Variants in INPP5A observed in about 807,000 individuals in gnomAD.
INPP5A encodes the protein inositol polyphosphate-5-phosphatase A, also known as 43 kDa inositol polyphosphate 5-phophatase.
INPP5A carries 14 observed loss-of-function variants against 65.2 expected under a neutral mutation model. The observed-to-expected ratio is 0.21, with a 90% CI of 0.14 to 0.34. The LOEUF is 0.34. Ranked by LOEUF, INPP5A falls within the 10% of genes least tolerant of loss-of-function variation. The pLI is 1.00. For missense variants in INPP5A, 431 were observed against 545.6 expected, an observed-to-expected ratio of 0.79 and a Z score of 2.09; for synonymous variants, 207 against 208.3, an observed-to-expected ratio of 0.99 and a Z score of 0.05.
chr10:132,579,685 C>A (rs2071457088), intron 1 of INPP5A, among the ~76,000 whole-genome samples: 1 of 152,136 alleles, frequency 6.6e-6, no homozygotes, highest in Non-Finnish European at 1.5e-5. Context: ...TAGGTGGGGC[C>A]TCAGTGAGGC....
chr10:132,763,651 A>G (rs986249196), intron 11 of INPP5A, among the ~76,000 whole-genome samples: 11 of 138,582 alleles, frequency 7.9e-5, no homozygotes, highest in African/African-American at 2.4e-4. Flanking sequence ...CTGCATGCAC[A>G]CACACATGCC....
At chr10:132,679,836 G>A (rs1447942621) in intron 4 of INPP5A, among the ~76,000 whole-genome samples, 1 of 152,178 alleles carries the variant, frequency 6.6e-6, no homozygotes, top group Non-Finnish European at 1.5e-5. Flanking sequence ...CAGCCAGGTG[G>A]TCTCTGACAA....
chr10:132,702,251 A>G (rs1845449386), intron 6 of INPP5A, among the ~76,000 whole-genome samples: 1 of 152,260 alleles, frequency 6.6e-6, no homozygotes, highest in African/African-American at 2.4e-5. Flanking sequence ...TTATTTAAAA[A>G]TCTTAGAATC....
In INPP5A at chr10:132,616,448, T is replaced by C. The variant is rs1183767403; in HGVS notation, c.117+8492T>C. Among the ~76,000 whole-genome samples the C allele has an allele frequency of 2.0e-5, 3 of 151,744 alleles. No homozygotes were observed. Among genetic ancestry groups the C allele is most frequent in the African/African-American group, 7.3e-5 (3 of 41,270 alleles). On this transcript the variant is annotated intron_variant, in intron 2 of 15. Coordinates refer to ENST00000368594, the MANE Select transcript of INPP5A (RefSeq NM_005539.5). The surrounding 1 kb of genome is among the most constrained non-coding windows in gnomAD (Gnocchi z 4.9). Reference sequence around the variant, plus strand: ...TGTGGGATATGTGGTATTGGGAACATGGTGGTGACGCAGGATGTGGTGGTG... The same window carrying C: ...TGTGGGATATGTGGTATTGGGAACACGGTGGTGACGCAGGATGTGGTGGTG...
chr10:132,718,963 C>T (rs1845802739), intron 8 of INPP5A, among the ~76,000 whole-genome samples: 1 of 147,268 alleles, frequency 6.8e-6, no homozygotes, highest in Non-Finnish European at 1.5e-5. Flanking sequence ...CCTTAGACGA[C>T]TGTCTTGCGG....
At chr10:132,769,285 C>CTTAACTAA (rs1469689233) in intron 12 of INPP5A, among the ~76,000 whole-genome samples, 1 of 152,238 alleles carries the variant, frequency 6.6e-6, no homozygotes, top group African/African-American at 2.4e-5. Flanking sequence ...TAACTAAAAG[C>CTTAACTAA]ACGGTTCTTC....
intron 4 of INPP5A, among the ~76,000 whole-genome samples, chr10:132,662,566 A>G (rs1232556783): frequency 1.3e-5 from 2 of 152,226 alleles, no homozygotes; most frequent in African/African-American, 4.8e-5. Flanking sequence ...ATGACAGAAC[A>G]CAGATAGTGG....
At chr10:132,718,760 T>G (rs1183784300) in intron 8 of INPP5A, among the ~76,000 whole-genome samples, 3 of 149,452 alleles carry the variant, frequency 2.0e-5, no homozygotes, top group African/African-American at 2.5e-5. Flanking sequence ...CTTAGACGAC[T>G]GTCTTCAGGG....
intron 8 of INPP5A, among the ~76,000 whole-genome samples, chr10:132,723,245 C>T (rs1422503639): frequency 3.3e-5 from 5 of 152,232 alleles, no homozygotes; most frequent in Non-Finnish European, 5.9e-5. Context: ...GGCAGGGCCT[C>T]CTGTGAGGCG....
intron 12 of INPP5A, among the ~76,000 whole-genome samples, chr10:132,776,113 C>T (rs756939648): frequency 6.6e-5 from 10 of 152,258 alleles, no homozygotes; most frequent in Non-Finnish European, 1.0e-4. Flanking sequence ...ACAAAGTGGC[C>T]CAGCCTCTCA....
chr10:132,556,617 A>G (rs2071130851), intron 1 of INPP5A, among the ~76,000 whole-genome samples: 1 of 152,198 alleles, frequency 6.6e-6, no homozygotes, highest in African/African-American at 2.4e-5. Context: ...CATGCTCATC[A>G]CACACTCCCA....
At chr10:132,577,987 A>G in intron 1 of INPP5A, among the ~76,000 whole-genome samples, 1 of 152,232 alleles carries the variant, frequency 6.6e-6, no homozygotes, top group Admixed American at 6.5e-5. Flanking sequence ...TTCTTGGGTT[A>G]TTTTAGTTGT....
At chr10:132,730,967 A>G (rs1846073951) in intron 9 of INPP5A, among the ~76,000 whole-genome samples, 1 of 152,194 alleles carries the variant, frequency 6.6e-6, no homozygotes, top group Non-Finnish European at 1.5e-5. Flanking sequence ...ACTTTCAACC[A>G]GTGCAGGGGC....
intron 12 of INPP5A, among the ~76,000 whole-genome samples, chr10:132,769,054 C>T (rs1182666159): frequency 2.0e-5 from 3 of 152,182 alleles, no homozygotes; most frequent in East Asian, 1.9e-4. Flanking sequence ...CAGCCGCACC[C>T]GGGGCGTTGG....
intron 1 of INPP5A, among the ~76,000 whole-genome samples, chr10:132,574,953 G>C (rs923438993): frequency 6.6e-6 from 1 of 152,262 alleles, no homozygotes; most frequent in African/African-American, 2.4e-5. Flanking sequence ...CGGACTTCTG[G>C]TGGTAAGGAG....
In INPP5A at chr10:132,707,464, G is replaced by A. The variant is rs1845554552; in HGVS notation, c.475-849G>A. 6.6e-6 allele frequency among the ~76,000 whole-genome samples: 1 copy of A among 152,214 alleles called. No individual in the cohort carries two copies. The highest frequency in any genetic ancestry group is 1.5e-5 in the Non-Finnish European group (1 of 68,038). On this transcript the variant is annotated intron_variant, in intron 6 of 15. Coordinates refer to ENST00000368594, the MANE Select transcript of INPP5A (RefSeq NM_005539.5). The surrounding 1 kb of genome is among the most constrained non-coding windows in gnomAD (Gnocchi z 5.5). ...GCTGTGAAGCTACCCTGTTCTGCAT[G>A]GCTGTTTAAATTAAAATTAATGAAG...
chr10:132,681,369 T>G (rs2073042105), intron 4 of INPP5A, among the ~76,000 whole-genome samples: 3 of 152,146 alleles, frequency 2.0e-5, no homozygotes, highest in Non-Finnish European at 4.4e-5. Context: ...GGATCCACAC[T>G]GCCTTTATGA....
At position 132,688,980 on chromosome 10, in the gene INPP5A, T is replaced by A. The variant is rs545799461; in HGVS notation, c.307-1412T>A. Among the ~76,000 whole-genome samples, 18 of 152,304 alleles carry A rather than the reference T, an allele frequency of 1.2e-4. No homozygotes were observed. In the East Asian group the frequency reaches 3.5e-3, roughly 29 times the overall value. ...CATGTTGTGTGTGCATGAGTGTATGTGTGCAAGTGTGTGTGAGTGCCTGTG... is the reference window on the plus strand; with the variant it reads ...CATGTTGTGTGTGCATGAGTGTATGAGTGCAAGTGTGTGTGAGTGCCTGTG... On this transcript the variant is annotated intron_variant, in intron 4 of 15. Coordinates refer to ENST00000368594, the MANE Select transcript of INPP5A (RefSeq NM_005539.5).
intron 2 of INPP5A, among the ~76,000 whole-genome samples, chr10:132,617,321 T>G (rs1428352909): frequency 6.6e-6 from 1 of 152,126 alleles, no homozygotes; most frequent in East Asian, 1.9e-4. Context: ...ACCCTGTGGC[T>G]CTCTCAGGGC....
Sources: allele counts gnomAD v4.1 joint callset (sites outside exome capture counted in the v4.1 genomes callset), GRCh38; gene constraint gnomAD v4.1.1; non-coding constraint Gnocchi (gnomAD v3.1); transcripts MANE v1.5; gene names NCBI Gene and HGNC (gene_info 2026-07-23, HGNC 2026-07-21).